NDUFAF2: variants seen among roughly 807,000 people sequenced by gnomAD.
NDUFAF2 encodes the protein NADH dehydrogenase [ubiquinone] 1 alpha subcomplex assembly factor 2.
NDUFAF2 carries 13 observed loss-of-function variants against 22.8 expected under a neutral mutation model. The observed-to-expected ratio is 0.57, with a 90% confidence interval of 0.37 to 0.91. The LOEUF is 0.91. Among genes scored for constraint, NDUFAF2 ranks in the 40% least tolerant of loss-of-function variants. The pLI is 0.01. For missense variants in NDUFAF2, 162 were observed against 195.2 expected (o/e 0.83, Z 1.01); for synonymous variants, 53 against 64.2 (o/e 0.83, Z 0.84).
intron 3 of NDUFAF2, among the ~76,000 whole-genome samples, chr5:61,122,126 C>T (rs935756445): frequency 3.3e-5 from 5 of 152,112 alleles, no homozygotes; most frequent in Non-Finnish European, 7.4e-5. Flanking sequence ...CCACTGCGCC[C>T]GGCCTGAAGA....
At chr5:61,055,382 G>A (rs1037707914) in intron 1 of NDUFAF2, among the ~76,000 whole-genome samples, 29 of 152,186 alleles carry the variant, frequency 1.9e-4, no homozygotes, top group South Asian at 2.1e-4. Flanking sequence ...ACATTGATTA[G>A]CAGTGAAATC....
chr5:61,026,017 A>G (rs1267163555), intron 1 of NDUFAF2, among the ~76,000 whole-genome samples: 1 of 152,068 alleles, frequency 6.6e-6, no homozygotes, highest in African/African-American at 2.4e-5. Flanking sequence ...TACTTGTTTG[A>G]GCCTTATGGG....
At chr5:61,032,466 A>G (rs1023659211) in intron 1 of NDUFAF2, among the ~76,000 whole-genome samples, 15 of 152,152 alleles carry the variant, frequency 9.9e-5, no homozygotes, top group South Asian at 2.1e-4. Context: ...TCCCAACACC[A>G]TTTATTAAAT....
chr5:61,141,707 G>A (rs1233514452), intron 3 of NDUFAF2, among the ~76,000 whole-genome samples: 1 of 149,246 alleles, frequency 6.7e-6, no homozygotes, highest in African/African-American at 2.4e-5. Context: ...ACACATGAAT[G>A]AATAAGTATA....
intron 1 of NDUFAF2, among the ~76,000 whole-genome samples, chr5:60,960,395 C>G (rs1231654045): frequency 3.3e-5 from 5 of 152,120 alleles, no homozygotes; most frequent in African/African-American, 1.2e-4. Flanking sequence ...TTGTCAATAT[C>G]ACGTAGCTAT....
In NDUFAF2 at chr5:61,084,929, A is replaced by G. The variant is rs187426415; in HGVS notation, c.217+11715A>G. Among the ~76,000 whole-genome samples the G allele has an allele frequency of 2.4e-3, 362 of 152,310 alleles. 2 individuals are homozygous for G. The highest frequency in any genetic ancestry group is 8.4e-3 in the African/African-American group (349 of 41,576). On this transcript the variant is annotated intron_variant, in intron 2 of 3. Transcript: ENST00000296597. The stretch of plus-strand genomic sequence containing the variant: ...CATCAGACAACATGACCCAATTGAC[A>G]TAGGACACTCCACTGAGCAATTGTA...
chr5:61,142,296 A>T (rs1741071860), intron 3 of NDUFAF2, among the ~76,000 whole-genome samples: 1 of 152,146 alleles, frequency 6.6e-6, no homozygotes, highest in Non-Finnish European at 1.5e-5. Context: ...AAAAACTGTT[A>T]ATGACTTGAG....
intron 1 of NDUFAF2, among the ~76,000 whole-genome samples, chr5:60,995,380 T>C (rs750868121): frequency 6.6e-6 from 1 of 152,244 alleles, no homozygotes; most frequent in Non-Finnish European, 1.5e-5. Context: ...AAGCTGTATC[T>C]GCTTTAAGGG....
At chr5:60,972,733 A>G (rs1750850685) in intron 1 of NDUFAF2, among the ~76,000 whole-genome samples, 1 of 150,442 alleles carries the variant, frequency 6.6e-6, no homozygotes, top group African/African-American at 2.4e-5. Context: ...TTTAAAGTAG[A>G]AAAACTAAGC....
intron 1 of NDUFAF2, among the ~76,000 whole-genome samples, chr5:61,014,686 C>G (rs1206815094): frequency 6.6e-6 from 1 of 152,126 alleles, no homozygotes; most frequent in Non-Finnish European, 1.5e-5. Flanking sequence ...TTTTAGGACA[C>G]CCAGGTGGTG....
At chr5:60,982,379 C>G (rs887674872) in intron 1 of NDUFAF2, among the ~76,000 whole-genome samples, 1 of 151,828 alleles carries the variant, frequency 6.6e-6, no homozygotes, top group East Asian at 1.9e-4. Context: ...CAGGGAAACT[C>G]CCGTTTTTAT....
intron 3 of NDUFAF2, among the ~76,000 whole-genome samples, chr5:61,141,227 CA>C (rs11335251): frequency 0.61 from 87,581 of 144,590 alleles, 26,496 homozygotes; most frequent in East Asian, 0.94. Flanking sequence ...AACTCCGTCT[CA>C]AAAAAAAAAA....
chr5:60,951,556 C>T (rs1039580644), intron 1 of NDUFAF2, among the ~76,000 whole-genome samples: 3 of 152,136 alleles, frequency 2.0e-5, no homozygotes, highest in African/African-American at 7.2e-5. Context: ...AGGTAAACTC[C>T]ACTTGGTCAT....
intron 1 of NDUFAF2, among the ~76,000 whole-genome samples, chr5:60,949,630 G>A (rs1007527886): frequency 6.6e-6 from 1 of 152,088 alleles, no homozygotes; most frequent in African/African-American, 2.4e-5. Context: ...TACCTACTTA[G>A]CCTCACAAAG....
intron 1 of NDUFAF2, among the ~76,000 whole-genome samples, chr5:61,059,356 G>A (rs894425037): frequency 1.3e-4 from 20 of 151,922 alleles, no homozygotes; most frequent in African/African-American, 4.8e-4. Flanking sequence ...ATTTACAATA[G>A]GTTAATCTTT....
chr5:61,093,083 C>G (rs999287347), intron 2 of NDUFAF2, among the ~76,000 whole-genome samples: 2 of 152,292 alleles, frequency 1.3e-5, no homozygotes, highest in Non-Finnish European at 1.5e-5. Flanking sequence ...GTCTGAAGTT[C>G]GAGAGCAGGA....
chr5:60,976,991 T>G (rs1750910432), intron 1 of NDUFAF2, among the ~76,000 whole-genome samples: 1 of 152,196 alleles, frequency 6.6e-6, no homozygotes, highest in Admixed American at 6.5e-5. Context: ...TGTGTTTTAA[T>G]TAATAGACTT....
chr5:61,124,102 A>G (rs1753006884), intron 3 of NDUFAF2, among the ~76,000 whole-genome samples: 1 of 152,114 alleles, frequency 6.6e-6, no homozygotes. Context: ...TTTAAGTTTT[A>G]AAAAGGAAAT....
intron 1 of NDUFAF2, among the ~76,000 whole-genome samples, chr5:61,017,388 A>G (rs1425269413): frequency 1.1e-5 from 1 of 88,456 alleles, no homozygotes; most frequent in Non-Finnish European, 2.3e-5. Context: ...CTTTGGGCAC[A>G]CTTTTTTTTT....
Sources: gnomAD v4.1 joint callset for allele counts (sites outside exome capture counted in the v4.1 genomes callset) on GRCh38, gnomAD v4.1.1 for gene constraint, MANE v1.5 for transcripts, NCBI Gene and HGNC (gene_info 2026-07-23, HGNC 2026-07-21) for gene names.